Variants in MCU observed in about 807,000 individuals in gnomAD.
MCU encodes calcium uniporter protein, mitochondrial.
MCU carries 12 observed loss-of-function variants against 45.2 expected under a neutral mutation model. That is an observed-to-expected ratio of 0.27 (90% CI 0.17 to 0.43). The LOEUF (loss-of-function observed/expected upper bound fraction) is 0.43, where lower values mean the gene tolerates loss of function less well. MCU is among the 20% of genes least tolerant of loss of function. The pLI is 1.00. For synonymous variants in MCU, 160 were observed against 165.1 expected (o/e 0.97, Z 0.24); for missense variants, 324 against 436.7 (o/e 0.74, Z 2.30).
At chr10:72,760,708 TTTTC>T (rs1360005784) in intron 1 of MCU, 8 of 147,994 alleles carry the variant, frequency 5.4e-5, no homozygotes, top group Non-Finnish European at 8.5e-5. Context: ...TAAATTTTTT[TTTTC>T]TTTCTTTTTT....
chr10:72,858,455 A>C (rs1845327248), intron 2 of MCU, among the ~76,000 whole-genome samples: 1 of 152,174 alleles, frequency 6.6e-6, no homozygotes, highest in Non-Finnish European at 1.5e-5. Context: ...AGTGTTGGTC[A>C]GTTAATTGGT....
chr10:72,862,851 G>A (rs750945939), intron 4 of MCU, among the ~76,000 whole-genome samples: 1 of 151,796 alleles, frequency 6.6e-6, no homozygotes, highest in East Asian at 1.9e-4. Context: ...TTAAGACCAG[G>A]AGTTTGGGAC....
At chr10:72,806,108 T>C (rs1844443702) in intron 1 of MCU, among the ~76,000 whole-genome samples, 1 of 150,020 alleles carries the variant, frequency 6.7e-6, no homozygotes, top group Admixed American at 6.7e-5. Context: ...AAGGCTGATG[T>C]GAGATGAAGT....
intron 2 of MCU, among the ~76,000 whole-genome samples, chr10:72,838,758 G>T (rs1844999290): frequency 6.6e-6 from 1 of 152,128 alleles, no homozygotes. Context: ...AATAATGAAA[G>T]TATCTGAAAA....
At chr10:72,826,900 A>G (rs1455171358) in intron 1 of MCU, among the ~76,000 whole-genome samples, 1 of 152,216 alleles carries the variant, frequency 6.6e-6, no homozygotes, top group Non-Finnish European at 1.5e-5. Flanking sequence ...GTACAGTACA[A>G]TAAGATATTT....
intron 1 of MCU, chr10:72,708,225 A>G (rs903684470): frequency 2.0e-5 from 3 of 152,204 alleles, no homozygotes; most frequent in Non-Finnish European, 4.4e-5. Flanking sequence ...ACAGTTCATT[A>G]TGCCTTTAGT....
intron 2 of MCU, among the ~76,000 whole-genome samples, chr10:72,840,781 T>G (rs1025295496): frequency 6.6e-6 from 1 of 152,304 alleles, no homozygotes; most frequent in African/African-American, 2.4e-5. Flanking sequence ...ATTTTAAAAA[T>G]ATATGCAACA....
At chr10:72,872,724 A>G (rs1260056248) in intron 6 of MCU, among the ~76,000 whole-genome samples, 1 of 152,346 alleles carries the variant, frequency 6.6e-6, no homozygotes, top group South Asian at 2.1e-4. Flanking sequence ...TGCGGTAAAC[A>G]TAGGAGTGCA....
At chr10:72,824,500 C>T (rs575458576) in intron 1 of MCU, among the ~76,000 whole-genome samples, 4 of 152,000 alleles carry the variant, frequency 2.6e-5, no homozygotes, top group East Asian at 1.9e-4. Flanking sequence ...TGAGGCACCG[C>T]GCCCGGCCCA....
At chr10:72,770,761 T>A (rs1041870831) in intron 1 of MCU, among the ~76,000 whole-genome samples, 1 of 152,156 alleles carries the variant, frequency 6.6e-6, no homozygotes, top group Non-Finnish European at 1.5e-5. Context: ...GCGTCAAATA[T>A]ATTACATTCC....
At chr10:72,730,313 T>C (rs897343347) in intron 1 of MCU, among the ~76,000 whole-genome samples, 37 of 145,742 alleles carry the variant, frequency 2.5e-4, no homozygotes, top group South Asian at 1.3e-3. Context: ...TTTTCTTTTT[T>C]TTTTTTTTTT....
intron 1 of MCU, among the ~76,000 whole-genome samples, chr10:72,745,080 T>TA (rs1843395218): frequency 2.6e-5 from 4 of 152,260 alleles, no homozygotes; most frequent in East Asian, 1.9e-4. Context: ...CTGCATGCAT[T>TA]AAAAAAACCT....
At chr10:72,780,577 G>A (rs1028780706) in intron 1 of MCU, among the ~76,000 whole-genome samples, 5 of 138,696 alleles carry the variant, frequency 3.6e-5, no homozygotes, top group African/African-American at 1.3e-4. Flanking sequence ...GAGAGGAAGA[G>A]AGATAACTGT....
At chr10:72,780,511 A>AGTGTGTGTGTGTGTGTGTGT (rs60306247) in intron 1 of MCU, among the ~76,000 whole-genome samples, 5,901 of 110,464 alleles carry the variant, frequency 0.053, 499 homozygotes, top group East Asian at 0.19. Context: ...TCTTTGGCTA[A>AGTGTGTGTGTGTGTGTGTGT]GTGTGTGTGT....
chr10:72,856,034 A>G (rs1013706825), intron 2 of MCU, among the ~76,000 whole-genome samples: 1 of 152,234 alleles, frequency 6.6e-6, no homozygotes, highest in Non-Finnish European at 1.5e-5. Flanking sequence ...GTGTCTATGC[A>G]TTGACACCCT....
chr10:72,695,279 G>A (rs1188178512), intron 1 of MCU, among the ~76,000 whole-genome samples: 2 of 152,162 alleles, frequency 1.3e-5, no homozygotes, highest in African/African-American at 4.8e-5. Flanking sequence ...TGGCTGACTT[G>A]CTCTACTTTA....
intron 1 of MCU, among the ~76,000 whole-genome samples, chr10:72,833,216 T>C (rs1275341760): frequency 6.6e-6 from 1 of 152,214 alleles, no homozygotes; most frequent in Non-Finnish European, 1.5e-5. Flanking sequence ...TATTATTCAC[T>C]GTATGGGACA....
rs1450410425 is a variant in MCU at position 72,859,343 on chromosome 10, A to T, written c.387A>T (p.Ser129=). The change falls in exon 3 of 8, where the codon TCA becomes TCT. Residue 129 remains serine (S), a synonymous_variant. Transcript: ENST00000373053. ...GAATTGACAGAGTTGCTATCTATTCACCAGGTATAGTCACCATCATTATTA... is the reference window on the plus strand; with the variant it reads ...GAATTGACAGAGTTGCTATCTATTCTCCAGGTATAGTCACCATCATTATTA... ...DRGIDRVAIY[S]PDGVRVAAST... is the part of the protein sequence containing the mutation. The T allele has an allele frequency of 1.2e-6, 2 of 1,609,640 alleles. No homozygotes were observed. Among genetic ancestry groups the T allele is most frequent in the Admixed American group, 3.4e-5 (2 of 59,362 alleles).
intron 2 of MCU, among the ~76,000 whole-genome samples, chr10:72,846,360 A>G (rs1424966616): frequency 1.3e-5 from 2 of 152,108 alleles, no homozygotes; most frequent in Non-Finnish European, 2.9e-5. Context: ...TAAGTTTTAA[A>G]TTGTATGCTA....
Sources: gnomAD v4.1 joint callset for allele counts (sites outside exome capture counted in the v4.1 genomes callset) on GRCh38, gnomAD v4.1.1 for gene constraint, MANE v1.5 for transcripts, NCBI Gene and HGNC (gene_info 2026-07-23, HGNC 2026-07-21) for gene names.